Variants in RABGAP1L observed in about 807,000 individuals in gnomAD.
RABGAP1L encodes RAB GTPase activating protein 1 like.
In RABGAP1L, 63 loss-of-function variants were observed where a neutral mutation model predicts 137.7. The ratio of observed to expected loss-of-function variants is 0.46; its 90% CI spans 0.37 to 0.56. The LOEUF (loss-of-function observed/expected upper bound fraction) is 0.56. Ranked by LOEUF, RABGAP1L falls within the 20% of genes least tolerant of loss-of-function variation. RABGAP1L has a pLI of 0.00. For synonymous variants in RABGAP1L, 431 were observed against 433.7 expected, an observed-to-expected ratio of 0.99 and a Z score of 0.08; for missense variants, 1,095 against 1,244.0, an observed-to-expected ratio of 0.88 and a Z score of 1.80.
chr1:174,637,665 A>G (rs1032799944), intron 14 of RABGAP1L, among the ~76,000 whole-genome samples, 177 bp downstream of exon 14: 2 of 152,112 alleles, frequency 1.3e-5, no homozygotes, highest in Admixed American at 6.6e-5. Context: ...TTTCGGTTGC[A>G]TGTTTCGTGC....
chr1:174,978,931 C>T, intron 23 of RABGAP1L, 41 bp downstream of exon 23: 2 of 1,453,296 alleles, frequency 1.4e-6, no homozygotes, highest in East Asian at 2.7e-5. Context: ...TTATAGTTTG[C>T]TGCTATAAAA....
chr1:174,874,345 C>T (rs1351568492), intron 19 of RABGAP1L: 1 of 349,326 alleles, frequency 2.9e-6, no homozygotes, highest in Non-Finnish European at 4.0e-6. Context: ...TCTATTCTCT[C>T]CCTCTCAATT....
chr1:174,306,427 T>C (rs1010755055), intron 11 of RABGAP1L, among the ~76,000 whole-genome samples: 3 of 152,212 alleles, frequency 2.0e-5, no homozygotes, highest in African/African-American at 7.2e-5. Flanking sequence ...CCAGCACCTG[T>C]TGTTTCCTGA....
intron 13 of RABGAP1L, among the ~76,000 whole-genome samples, chr1:174,543,499 A>C (rs1408875796): frequency 6.6e-6 from 1 of 152,082 alleles, no homozygotes; most frequent in South Asian, 2.1e-4. Flanking sequence ...CCTGCCTGTG[A>C]GATGGGTTTC....
intron 1 of RABGAP1L, among the ~76,000 whole-genome samples, chr1:174,185,555 A>G (rs1178341615): frequency 6.6e-6 from 1 of 152,204 alleles, no homozygotes; most frequent in Non-Finnish European, 1.5e-5. Flanking sequence ...ATACAAGTAA[A>G]AAGTGCAATT....
At chr1:174,632,055 C>T (rs1490285639) in intron 13 of RABGAP1L, among the ~76,000 whole-genome samples, 92 of 121,886 alleles carry the variant, frequency 7.5e-4, no homozygotes, top group Admixed American at 2.7e-3. Flanking sequence ...CCATGTTTAG[C>T]GCTTCCTTCA....
chr1:174,954,135 A>G (rs1668152860), intron 19 of RABGAP1L: 1 of 152,228 alleles, frequency 6.6e-6, no homozygotes. Context: ...TTAAAAACTG[A>G]AAATCTATTT....
At chr1:174,301,534 T>G (rs112715585) in intron 10 of RABGAP1L, among the ~76,000 whole-genome samples, 1 of 151,688 alleles carries the variant, frequency 6.6e-6, no homozygotes, top group African/African-American at 2.4e-5. Flanking sequence ...TGTACCCAGT[T>G]TCAGTGGGTC....
rs192258641 is a variant in RABGAP1L at position 174,571,719 on chromosome 1, T to C, written c.1711-65656T>C. On this transcript the variant is annotated intron_variant, in intron 13 of 25. Transcript: ENST00000681986. The stretch of plus-strand genomic sequence containing the variant: ...AAGCTCTTCAGACAAGAGCTTCTTA[T>C]ACAGTCTGAATTTGTGCAGAATCTC... Among the ~76,000 whole-genome samples the C allele has an allele frequency of 3.3e-5, 5 of 152,298 alleles. No individual in the cohort carries two copies. In the East Asian group the frequency reaches 9.6e-4, roughly 29 times the overall value.
intron 14 of RABGAP1L, among the ~76,000 whole-genome samples, chr1:174,647,801 C>T (rs944840857): frequency 2.6e-5 from 4 of 151,986 alleles, no homozygotes; most frequent in African/African-American, 9.7e-5. Context: ...CTCTTTGTAC[C>T]TCTGGTAGAA....
intron 13 of RABGAP1L, among the ~76,000 whole-genome samples, chr1:174,570,980 G>T (rs1269417008): frequency 6.6e-6 from 1 of 152,182 alleles, no homozygotes; most frequent in East Asian, 1.9e-4. Context: ...CATGTTTGTT[G>T]CAATACTGTT....
chr1:174,367,015 A>C (rs1274510999), intron 11 of RABGAP1L: 1 of 152,118 alleles, frequency 6.6e-6, no homozygotes, highest in Non-Finnish European at 1.5e-5. Flanking sequence ...TTTGAAGTAA[A>C]GTTTCTGAAT....
intron 13 of RABGAP1L, among the ~76,000 whole-genome samples, chr1:174,478,348 G>C (rs779370992): frequency 9.2e-5 from 14 of 151,798 alleles, no homozygotes; most frequent in Non-Finnish European, 1.9e-4. Flanking sequence ...ATAGCTCACT[G>C]TAACCTTGAA....
intron 11 of RABGAP1L, among the ~76,000 whole-genome samples, chr1:174,331,260 A>C (rs1681004648): frequency 6.6e-6 from 1 of 152,236 alleles, no homozygotes; most frequent in Non-Finnish European, 1.5e-5. Flanking sequence ...GAAACACTGT[A>C]AGTGATTGGT....
Position 174,866,110 on chromosome 1 carries a change from G to GGAGAGA in RABGAP1L, c.2340+54199_2340+54204dup, listed in dbSNP as rs34712612. ...GAGAGGAGGGGAGAGGGAGGGAGGG[G>GGAGAGA]GAGAGAGAGAGAGAGAGAGAGAGAG... On this transcript the variant is annotated intron_variant, in intron 19 of 25. Coordinates refer to ENST00000681986, the MANE Select transcript of RABGAP1L (RefSeq NM_001366446.1). Among the ~76,000 whole-genome samples, 539 of 65,812 alleles carry GGAGAGA rather than the reference G, an allele frequency of 8.2e-3. 29 individuals are homozygous for GGAGAGA. Among genetic ancestry groups the GGAGAGA allele is most frequent in the East Asian group, 0.043 (70 of 1,646 alleles). 43.2% of individuals were successfully genotyped at this position (65,812 alleles called of 152,430 possible).
intron 19 of RABGAP1L, among the ~76,000 whole-genome samples, chr1:174,847,275 G>A (rs1694169966): frequency 6.6e-6 from 1 of 151,704 alleles, no homozygotes. Context: ...TCATTATGAT[G>A]TTAGCTGGTG....
intron 1 of RABGAP1L, among the ~76,000 whole-genome samples, chr1:174,174,194 ATACACACAC>A (rs1244484271): frequency 2.0e-5 from 2 of 98,586 alleles, no homozygotes; most frequent in African/African-American, 1.2e-4. Flanking sequence ...TGGAAAAAAA[ATACACACAC>A]ACACACACAC....
At chr1:174,665,368 C>CCTTTTCTTTTCCTTTCCTTTCTTTCTTT (rs1553229545) in intron 14 of RABGAP1L, among the ~76,000 whole-genome samples, 9 of 151,816 alleles carry the variant, frequency 5.9e-5, no homozygotes, top group African/African-American at 2.2e-4. Flanking sequence ...TTTCCTTCTT[C>CCTTTTCTTTTCCTTTCCTTTCTTTCTTT]CTTTTCTTTT....
chr1:174,287,232 A>G (rs1676139213), intron 10 of RABGAP1L, among the ~76,000 whole-genome samples: 1 of 152,162 alleles, frequency 6.6e-6, no homozygotes, highest in South Asian at 2.1e-4. Flanking sequence ...ATTACTATTT[A>G]CAATAGTTAA....
Sources: allele counts gnomAD v4.1 joint callset (sites outside exome capture counted in the v4.1 genomes callset), GRCh38; gene constraint gnomAD v4.1.1; transcripts MANE v1.5; gene names NCBI Gene and HGNC (gene_info 2026-07-23, HGNC 2026-07-21).